Variants in CHL1 observed in about 807,000 individuals in gnomAD.
CHL1 encodes the protein cell adhesion molecule L1 like.
CHL1 carries 96 observed loss-of-function variants against 141.9 expected under a neutral mutation model. The ratio of observed to expected loss-of-function variants is 0.68; its 90% CI spans 0.57 to 0.80. The LOEUF (loss-of-function observed/expected upper bound fraction) is 0.80. Ranked by LOEUF, CHL1 falls within the 30% of genes least tolerant of loss-of-function variation. The pLI, the probability that CHL1 is intolerant of heterozygous loss-of-function variation, is 0.00. For synonymous variants in CHL1, 613 were observed against 502.2 expected (o/e 1.22, Z -2.95); for missense variants, 1,820 against 1,457.2 (o/e 1.25, Z -4.05).
intron 2 of CHL1, among the ~76,000 whole-genome samples, chr3:277,647 C>T (rs1190651254): frequency 3.3e-5 from 5 of 152,114 alleles, no homozygotes; most frequent in East Asian, 1.9e-4. Context: ...TCAGAACTTA[C>T]GTGTCATTTT....
At chr3:251,959 C>T (rs1275365376) in intron 2 of CHL1, among the ~76,000 whole-genome samples, 1 of 151,824 alleles carries the variant, frequency 6.6e-6, no homozygotes, top group African/African-American at 2.4e-5. Context: ...AGTTTTTCAA[C>T]TAAAAATATC....
intron 11 of CHL1, among the ~76,000 whole-genome samples, chr3:355,120 C>G (rs1434883588): frequency 6.6e-6 from 1 of 152,162 alleles, no homozygotes; most frequent in African/African-American, 2.4e-5. Context: ...AGCCTAGCAG[C>G]TGAGGGCACA....
chr3:242,557 C>T (rs565471680), intron 1 of CHL1, among the ~76,000 whole-genome samples: 3 of 151,960 alleles, frequency 2.0e-5, no homozygotes, highest in Non-Finnish European at 1.5e-5. Context: ...GATTGTGCCA[C>T]TGCACTCCAG....
At chr3:404,545 A>G (rs1709383697) in intron 27 of CHL1, among the ~76,000 whole-genome samples, 1 of 152,184 alleles carries the variant, frequency 6.6e-6, no homozygotes, top group African/African-American at 2.4e-5. Flanking sequence ...CATGAATAAA[A>G]CACCTACCAT....
At chr3:335,155 G>C (rs1701765019) in intron 5 of CHL1, among the ~76,000 whole-genome samples, 1 of 152,188 alleles carries the variant, frequency 6.6e-6, no homozygotes, top group Non-Finnish European at 1.5e-5. Context: ...CCTGATTTTG[G>C]AGGGGGAGTG....
intron 15 of CHL1, among the ~76,000 whole-genome samples, chr3:369,873 T>C (rs993037423): frequency 2.0e-5 from 3 of 152,270 alleles, no homozygotes; most frequent in Admixed American, 6.5e-5. Flanking sequence ...ATTTTGTCTT[T>C]GGTTCTGTTT....
chr3:291,292 T>C (rs1212197121), intron 2 of CHL1, among the ~76,000 whole-genome samples: 1 of 152,150 alleles, frequency 6.6e-6, no homozygotes, highest in Non-Finnish European at 1.5e-5. Context: ...TGATGTCATA[T>C]ATATTAGCAT....
intron 2 of CHL1, among the ~76,000 whole-genome samples, chr3:263,863 TATGCCTTTTGAATATATTC>T (rs1215521239): frequency 6.6e-6 from 1 of 152,254 alleles, no homozygotes; most frequent in Non-Finnish European, 1.5e-5. Context: ...TTGTATAAGC[TATGCCTTTTGAATATATTC>T]ATGTGCTGTG....
At chr3:249,822 T>G (rs1305636306) in intron 2 of CHL1, among the ~76,000 whole-genome samples, 4 of 152,172 alleles carry the variant, frequency 2.6e-5, no homozygotes, top group Non-Finnish European at 5.9e-5. Context: ...TTTTGTTGTT[T>G]CAGTACATAC....
chr3:237,386 T>A (rs1012861618), intron 1 of CHL1, among the ~76,000 whole-genome samples: 26 of 152,234 alleles, frequency 1.7e-4, no homozygotes, highest in Non-Finnish European at 2.9e-4. Context: ...CAATTAAACC[T>A]CTTTTCTTTA....
At chr3:323,723 G>T (rs142993077) in intron 3 of CHL1, among the ~76,000 whole-genome samples, 102 of 152,196 alleles carry the variant, frequency 6.7e-4, no homozygotes, top group African/African-American at 2.2e-3. Context: ...GCCTTCTCAA[G>T]AAATTGCAGA....
chr3:268,335 A>G (rs948205806), intron 2 of CHL1, among the ~76,000 whole-genome samples: 4 of 152,038 alleles, frequency 2.6e-5, no homozygotes, highest in Admixed American at 2.6e-4. Flanking sequence ...CGAGTTTGAG[A>G]GCAGTCTGGC....
At chr3:398,944 A>G in intron 25 of CHL1, 73 bp from the exon 26 acceptor site, 1 of 1,432,184 alleles carries the variant, frequency 7.0e-7, no homozygotes. Flanking sequence ...ATGATGTCTA[A>G]TTTTCCCCAA....
Position 389,233 on chromosome 3 carries a change from G to A in CHL1, c.2248-19G>A, listed in dbSNP as rs1708029554. ...ACACATCTGTGATCAGACTAAATGA[G>A]TCTTGCCTTCTGTTTTAGCCTTTGA... On this transcript the variant is annotated intron_variant, in intron 19 of 27. Transcript: ENST00000256509. 4.5e-6 allele frequency: 7 copies of A among 1,570,654 alleles called. No individual in the cohort carries two copies. In the Middle Eastern group the frequency reaches 5.6e-4, roughly 126 times the overall value.
At chr3:348,351 T>C (rs2125188918) in intron 9 of CHL1, among the ~76,000 whole-genome samples, 1 of 152,260 alleles carries the variant, frequency 6.6e-6, no homozygotes, top group Admixed American at 6.5e-5. Flanking sequence ...AGAAGAAATA[T>C]GGAGAGGAAA....
chr3:358,386 C>T (rs890396520), intron 11 of CHL1, among the ~76,000 whole-genome samples: 2 of 152,088 alleles, frequency 1.3e-5, no homozygotes, highest in African/African-American at 4.8e-5. Context: ...TACATTGAGC[C>T]CACTTGGGTC....
rs755600043 is a variant in CHL1 at position 325,967 on chromosome 3, G to T, written c.100G>T (p.Val34Phe). ...CATATTTTAATATTTAGTTCAACAGGTTCCAACAATCATAAAACAGTCAAA... is the reference window on the plus strand; with the variant it reads ...CATATTTTAATATTTAGTTCAACAGTTTCCAACAATCATAAAACAGTCAAA... ...AIEIPSSVQQ[V>F]PTIIKQSKVQ... Residue 34 changes from valine (V) to phenylalanine (F), a missense_variant, in exon 4 of 28, where the codon GTT becomes TTT. By Grantham distance (50) the Val-to-Phe change is conservative. Coordinates refer to ENST00000256509, the MANE Select transcript of CHL1 (RefSeq NM_006614.4). The T allele has an allele frequency of 1.9e-6, 3 of 1,606,210 alleles. No individual in the cohort carries two copies. Among genetic ancestry groups the T allele is most frequent in the Non-Finnish European group, 8.5e-7 (1 of 1,174,230 alleles).
At chr3:350,763 G>A (rs1007617787) in intron 10 of CHL1, among the ~76,000 whole-genome samples, 4 of 152,130 alleles carry the variant, frequency 2.6e-5, no homozygotes, top group African/African-American at 9.7e-5. Flanking sequence ...AACCGAAGTT[G>A]AGAATTTTAT....
At chr3:295,405 T>C (rs866887288) in intron 2 of CHL1, among the ~76,000 whole-genome samples, 15 of 152,084 alleles carry the variant, frequency 9.9e-5, no homozygotes, top group African/African-American at 3.6e-4. Flanking sequence ...AAGCACTGAA[T>C]AGGAGAAGGA....
Sources: gnomAD v4.1 joint callset for allele counts (sites outside exome capture counted in the v4.1 genomes callset) on GRCh38, gnomAD v4.1.1 for gene constraint, MANE v1.5 for transcripts, NCBI Gene and HGNC (gene_info 2026-07-23, HGNC 2026-07-21) for gene names.